Variants in CLVS1 observed in about 807,000 individuals in gnomAD.
CLVS1 encodes clavesin-1.
CLVS1 carries 10 observed loss-of-function variants against 33.1 expected under a neutral mutation model. The observed-to-expected ratio is 0.30, with a 90% CI of 0.19 to 0.51. The LOEUF (loss-of-function observed/expected upper bound fraction) is 0.51. Ranked by LOEUF, CLVS1 falls within the 20% of genes least tolerant of loss-of-function variation. CLVS1 has a pLI of 0.97. For synonymous variants in CLVS1, 163 were observed against 166.1 expected (o/e 0.98, Z 0.14); for missense variants, 343 against 433.4 (o/e 0.79, Z 1.85).
chr8:61,232,043 T>TTTTTTTTTTTTTTGTTTG (rs1563455162), intron 2 of CLVS1, among the ~76,000 whole-genome samples: 1 of 139,852 alleles, frequency 7.2e-6, no homozygotes, highest in African/African-American at 2.9e-5. Flanking sequence ...TTTTTTTTTT[T>TTTTTTTTTTTTTTGTTTG]TTTTTTTGTG....
the CLVS1 span, among the ~76,000 whole-genome samples, chr8:61,034,739 G>A: frequency 6.6e-6 from 1 of 152,136 alleles, no homozygotes; most frequent in African/African-American, 2.4e-5. Context: ...TATTTTACTT[G>A]CAATGGCGGT....
chr8:61,334,533 A>G lies in CLVS1; in HGVS notation c.455+34251A>G, dbSNP rs144266038. On this transcript the variant is annotated intron_variant, in intron 2 of 5. Coordinates refer to ENST00000325897, the MANE Select transcript of CLVS1 (RefSeq NM_173519.3). ...CCTTTGCTGTTTTCAGGATCATAGGAATCAGGTAAATTTAACACTGTCCAT... is the reference window on the plus strand; with the variant it reads ...CCTTTGCTGTTTTCAGGATCATAGGGATCAGGTAAATTTAACACTGTCCAT... Among the ~76,000 whole-genome samples, 705 of 152,326 alleles carry G rather than the reference A, an allele frequency of 4.6e-3. 9 individuals carry two copies. Among genetic ancestry groups the G allele is most frequent in the Admixed American group, 0.028 (428 of 15,302 alleles).
intron 2 of CLVS1, among the ~76,000 whole-genome samples, chr8:61,245,184 C>A (rs1220027203): frequency 6.6e-6 from 1 of 151,918 alleles, no homozygotes; most frequent in Non-Finnish European, 1.5e-5. Flanking sequence ...ACTTTGAAGT[C>A]TCCTTACATA....
chr8:61,469,293 A>T (rs1436793761), intron 5 of CLVS1, among the ~76,000 whole-genome samples: 3 of 152,222 alleles, frequency 2.0e-5, no homozygotes, highest in Non-Finnish European at 4.4e-5. Context: ...AATTGGCATG[A>T]CATATGCCAT....
At chr8:61,451,020 C>T (rs1365928107) in intron 3 of CLVS1, among the ~76,000 whole-genome samples, 4 of 152,074 alleles carry the variant, frequency 2.6e-5, no homozygotes, top group African/African-American at 9.7e-5. Context: ...CAGCACTGCT[C>T]CAGATGGAGG....
intron 3 of CLVS1, among the ~76,000 whole-genome samples, chr8:61,442,784 C>T (rs1585980794): frequency 6.6e-6 from 1 of 152,068 alleles, no homozygotes; most frequent in Non-Finnish European, 1.5e-5. Flanking sequence ...ATTTTTAATA[C>T]AGATGGGGTT....
At chr8:61,458,931 G>T (rs1306154977) in intron 5 of CLVS1, among the ~76,000 whole-genome samples, 1 of 152,158 alleles carries the variant, frequency 6.6e-6, no homozygotes, top group Non-Finnish European at 1.5e-5. Context: ...AATTTACTGG[G>T]CTGCAGCACT....
intron 2 of CLVS1, among the ~76,000 whole-genome samples, chr8:61,178,755 TAAGCC>T (rs1317389942): frequency 6.6e-6 from 1 of 152,114 alleles, no homozygotes; most frequent in Non-Finnish European, 1.5e-5. Context: ...CTAAGCTTCA[TAAGCC>T]AAAGAAATAA....
chr8:61,432,938 G>A lies in CLVS1; in HGVS notation c.631-21203G>A, dbSNP rs1333903695. ...AGGAAAGAGCAAGTAGGAGGGGAAC[G>A]AGGAAAGGAAAAAAGGGGAGGAGGG... On this transcript the variant is annotated intron_variant, in intron 3 of 5. Coordinates refer to ENST00000325897, the MANE Select transcript of CLVS1 (RefSeq NM_173519.3). Among the ~76,000 whole-genome samples the A allele has an allele frequency of 5.3e-5, 8 of 152,154 alleles. No homozygotes were observed. The South Asian group carries it at 8.3e-4, about 16-fold the overall frequency.
intron 1 of CLVS1, among the ~76,000 whole-genome samples, chr8:61,067,807 C>T (rs1804709980): frequency 6.6e-6 from 1 of 151,990 alleles, no homozygotes; most frequent in South Asian, 2.1e-4. Context: ...CAGCAATAAA[C>T]ACTGGGGACT....
In CLVS1 at chr8:61,223,601, G is replaced by A. The variant is rs948386975; in HGVS notation, c.-151-76076G>A. Among the ~76,000 whole-genome samples the A allele has an allele frequency of 2.6e-5, 4 of 152,122 alleles. No individual in the cohort carries two copies. The East Asian group carries it at 7.7e-4, about 29-fold the overall frequency. On this transcript the variant is annotated intron_variant, in intron 2 of 2. Coordinates refer to the CLVS1 transcript ENST00000522621. Reference sequence around the variant, plus strand: ...GGTGACCTGGCCTTTTTCTCTGGCTGCTCTTAACATTTTTTCCTCCATTTC... The same window carrying A: ...GGTGACCTGGCCTTTTTCTCTGGCTACTCTTAACATTTTTTCCTCCATTTC...
chr8:61,055,159 A>T (rs1249190256), upstream of CLVS1, among the ~76,000 whole-genome samples: 1 of 152,216 alleles, frequency 6.6e-6, no homozygotes, highest in Non-Finnish European at 1.5e-5. Flanking sequence ...ATTTGACAGA[A>T]GCTAAAACGA....
At chr8:61,087,283 G>C (rs1805143960) in intron 1 of CLVS1, among the ~76,000 whole-genome samples, 1 of 152,314 alleles carries the variant, frequency 6.6e-6, no homozygotes, top group Non-Finnish European at 1.5e-5. Flanking sequence ...ACTGGGAAGA[G>C]GGGGCATTGA....
chr8:61,360,774 T>G (rs1444013318), intron 2 of CLVS1, among the ~76,000 whole-genome samples: 1 of 152,242 alleles, frequency 6.6e-6, no homozygotes, highest in South Asian at 2.1e-4. Context: ...CTTTCACTGA[T>G]TCTTGAAGAA....
intron 2 of CLVS1, among the ~76,000 whole-genome samples, chr8:61,373,615 A>G (rs974932275): frequency 1.3e-5 from 2 of 152,222 alleles, no homozygotes; most frequent in Non-Finnish European, 2.9e-5. Context: ...AATTATTTCT[A>G]TCTTCACCAT....
At chr8:60,985,570 C>T in the CLVS1 span, among the ~76,000 whole-genome samples, 1 of 152,100 alleles carries the variant, frequency 6.6e-6, no homozygotes, top group Non-Finnish European at 1.5e-5. Context: ...TTGCCTGCCT[C>T]ATAATTCTCT....
intron 3 of CLVS1, among the ~76,000 whole-genome samples, chr8:61,431,740 G>A (rs1483052589): frequency 6.6e-6 from 1 of 152,018 alleles, no homozygotes; most frequent in East Asian, 1.9e-4. Context: ...CGTATCCCCA[G>A]GTCCTGAAAT....
chr8:60,972,830 T>A, the CLVS1 span, among the ~76,000 whole-genome samples: 1 of 152,208 alleles, frequency 6.6e-6, no homozygotes, highest in East Asian at 1.9e-4. Flanking sequence ...GGAGGCAGAT[T>A]TGAATAGTAA....
At chr8:61,123,370 G>A (rs1015881846) in intron 1 of CLVS1, among the ~76,000 whole-genome samples, 1 of 152,168 alleles carries the variant, frequency 6.6e-6, no homozygotes, top group African/African-American at 2.4e-5. Flanking sequence ...CAGTAACGTT[G>A]TGGCTATTTT....
Sources: allele counts gnomAD v4.1 joint callset (sites outside exome capture counted in the v4.1 genomes callset), GRCh38; gene constraint gnomAD v4.1.1; transcripts MANE v1.5; gene names NCBI Gene and HGNC (gene_info 2026-07-23, HGNC 2026-07-21).